ROBO1: variants seen among roughly 807,000 people sequenced by gnomAD.
The protein encoded by ROBO1 is roundabout homolog 1.
In ROBO1, 149 loss-of-function variants were observed where a neutral mutation model predicts 195.9. The observed-to-expected ratio is 0.76, with a 90% CI of 0.67 to 0.87. The LOEUF is 0.87. ROBO1 is among the 40% of genes least tolerant of loss of function. The pLI, the probability that ROBO1 is intolerant of heterozygous loss-of-function variation, is 0.00. For synonymous variants in ROBO1, 816 were observed against 733.2 expected (o/e 1.11, Z -1.82); for missense variants, 1,933 against 2,068.3 (o/e 0.93, Z 1.27).
At chr3:78,901,759 A>T (rs1376583815) in intron 4 of ROBO1, among the ~76,000 whole-genome samples, 1 of 152,142 alleles carries the variant, frequency 6.6e-6, no homozygotes, top group African/African-American at 2.4e-5. Flanking sequence ...TTGACAGAAC[A>T]CAGTATTCCA....
rs369069109 is a variant in ROBO1 at position 79,531,555 on chromosome 3, G to A, written c.88+58269C>T. ...TGAAAAAAATTGGTTGAGCCTGGGAGGTGGAGGTTCAAATAACGTAAACTT... is the reference window on the plus strand; with the variant it reads ...TGAAAAAAATTGGTTGAGCCTGGGAAGTGGAGGTTCAAATAACGTAAACTT... On this transcript the variant is annotated intron_variant, in intron 2 of 30. Coordinates refer to ENST00000464233, the MANE Select transcript of ROBO1 (RefSeq NM_002941.4). 1.1e-3 allele frequency among the ~76,000 whole-genome samples: 169 copies of A among 152,290 alleles called. 4 individuals carry two copies. In the South Asian group the frequency reaches 0.035, roughly 31 times the overall value.
rs532248173 is a variant in ROBO1 at position 79,246,009 on chromosome 3, A to G, written c.89-120470T>C. ...AGTGTGACCCAATAATGTGTTGAAAACAAAATGTTTAATTAAATTGTCTCT... is the reference window on the plus strand; with the variant it reads ...AGTGTGACCCAATAATGTGTTGAAAGCAAAATGTTTAATTAAATTGTCTCT... On this transcript the variant is annotated intron_variant, in intron 2 of 30. Coordinates refer to ENST00000464233, the MANE Select transcript of ROBO1 (RefSeq NM_002941.4). Among the ~76,000 whole-genome samples, 22 of 152,186 alleles carry G rather than the reference A, an allele frequency of 1.4e-4. No individual in the cohort carries two copies. The South Asian group carries it at 4.6e-3, about 32-fold the overall frequency.
rs890596464 is a variant in ROBO1, at chr3:79,207,815, G to A, written c.89-82276C>T. 1.1e-4 allele frequency among the ~76,000 whole-genome samples: 16 copies of A among 150,774 alleles called. No homozygotes were observed. The East Asian group carries it at 1.4e-3, about 13-fold the overall frequency. ...AAAAAAAAAAAAATCCATCGACTTC[G>A]GTTCATATCTAATTTTGAGTGTCTA... On this transcript the variant is annotated intron_variant, in intron 2 of 30. Coordinates refer to ENST00000464233, the MANE Select transcript of ROBO1 (RefSeq NM_002941.4).
chr3:78,957,495 T>C (rs1463743427), intron 3 of ROBO1, among the ~76,000 whole-genome samples: 1 of 152,136 alleles, frequency 6.6e-6, no homozygotes, highest in Non-Finnish European at 1.5e-5. Flanking sequence ...AAACAACCAG[T>C]AAGCAAATCT....
chr3:79,627,734 T>A (rs1560051286), intron 1 of ROBO1, among the ~76,000 whole-genome samples: 1 of 151,782 alleles, frequency 6.6e-6, no homozygotes, highest in Non-Finnish European at 1.5e-5. Flanking sequence ...TAGGAGAAAA[T>A]TTTTGCAATC....
chr3:78,783,147 T>A (rs928463288), intron 4 of ROBO1, among the ~76,000 whole-genome samples: 10 of 152,170 alleles, frequency 6.6e-5, no homozygotes, highest in African/African-American at 1.9e-4. Context: ...GTGGATATAT[T>A]GCAAGTGGTG....
At chr3:79,391,643 G>A (rs1216684313) in intron 2 of ROBO1, among the ~76,000 whole-genome samples, 1 of 152,038 alleles carries the variant, frequency 6.6e-6, no homozygotes, top group Non-Finnish European at 1.5e-5. Context: ...TATGTGAATT[G>A]TATATAGTAT....
chr3:79,174,904 T>TA (rs1334146874), intron 2 of ROBO1, among the ~76,000 whole-genome samples: 1 of 151,800 alleles, frequency 6.6e-6, no homozygotes, highest in Non-Finnish European at 1.5e-5. Flanking sequence ...TCCTAAGTTT[T>TA]ATGCAGAATT....
chr3:79,196,842 G>GA (rs1378152410), intron 2 of ROBO1, among the ~76,000 whole-genome samples: 18 of 151,654 alleles, frequency 1.2e-4, no homozygotes, highest in Admixed American at 6.6e-4. Context: ...TATCTGGATA[G>GA]AAAAAATATT....
intron 4 of ROBO1, among the ~76,000 whole-genome samples, chr3:78,904,988 G>T (rs2037815277): frequency 1.3e-5 from 2 of 150,876 alleles, no homozygotes; most frequent in African/African-American, 2.4e-5. Context: ...TCTGTTGGTG[G>T]GTAACTTACT....
chr3:78,951,108 T>C (rs1333984440), intron 3 of ROBO1, among the ~76,000 whole-genome samples: 2 of 151,760 alleles, frequency 1.3e-5, no homozygotes, highest in Non-Finnish European at 2.9e-5. Flanking sequence ...ACTCACTTTC[T>C]TAAAGGAAAA....
rs2077871700 is a variant in ROBO1 at position 79,014,482 on chromosome 3, A to G, written c.173-75555T>C. Among the ~76,000 whole-genome samples, 12 of 152,242 alleles carry G rather than the reference A, an allele frequency of 7.9e-5. No homozygotes were observed. In the South Asian group the frequency reaches 2.5e-3, roughly 32 times the overall value. On this transcript the variant is annotated intron_variant, in intron 3 of 30. Transcript: ENST00000464233. ...GGTGAGACTCCATTTCAAAAAAAGA[A>G]AAAGAAATCCACTGTTTGGATTTGC...
chr3:78,979,824 A>AACAC (rs72223669), intron 3 of ROBO1, among the ~76,000 whole-genome samples: 3 of 149,106 alleles, frequency 2.0e-5, no homozygotes, highest in Non-Finnish European at 3.0e-5. Context: ...TACACACACA[A>AACAC]ACACACACAC....
At chr3:79,557,681 C>T (rs1170495376) in intron 2 of ROBO1, among the ~76,000 whole-genome samples, 7 of 135,588 alleles carry the variant, frequency 5.2e-5, no homozygotes, top group Non-Finnish European at 9.4e-5. Flanking sequence ...TTCGGTGACC[C>T]GAGATCGCGC....
intron 2 of ROBO1, among the ~76,000 whole-genome samples, chr3:79,383,894 A>G (rs148529573): frequency 6.6e-6 from 1 of 152,084 alleles, no homozygotes; most frequent in Non-Finnish European, 1.5e-5. Context: ...TCAGTAATCA[A>G]CCTTTGTAAA....
chr3:79,729,697 A>G (rs1703067428), intron 1 of ROBO1, among the ~76,000 whole-genome samples: 1 of 152,194 alleles, frequency 6.6e-6, no homozygotes, highest in Non-Finnish European at 1.5e-5. Flanking sequence ...AAGTTTTATT[A>G]TATGAGGGAA....
chr3:78,903,539 A>G (rs2037712125), intron 4 of ROBO1, among the ~76,000 whole-genome samples: 1 of 149,342 alleles, frequency 6.7e-6, no homozygotes, highest in African/African-American at 2.5e-5. Context: ...AAACTGGGAC[A>G]ATAAAAGAAG....
intron 3 of ROBO1, among the ~76,000 whole-genome samples, chr3:79,038,643 T>C (rs1009218420): frequency 6.6e-6 from 1 of 151,896 alleles, no homozygotes; most frequent in African/African-American, 2.4e-5. Context: ...ATAAACTGAA[T>C]TCCTACAATG....
At chr3:79,370,851 G>A (rs2036167563) in intron 2 of ROBO1, among the ~76,000 whole-genome samples, 1 of 150,874 alleles carries the variant, frequency 6.6e-6, no homozygotes, top group South Asian at 2.1e-4. Context: ...CCCACCCCCT[G>A]ACTGGTCCCA....
Sources: gnomAD v4.1 joint callset for allele counts (sites outside exome capture counted in the v4.1 genomes callset) on GRCh38, gnomAD v4.1.1 for gene constraint, MANE v1.5 for transcripts, NCBI Gene and HGNC (gene_info 2026-07-23, HGNC 2026-07-21) for gene names.